The following GALNT18 variants were observed in gnomAD, a reference collection of about 807,000 sequenced individuals.
GALNT18 encodes the protein GalNAc-transferase 18.
GALNT18 carries 44 observed loss-of-function variants against 69.5 expected under a neutral mutation model. The ratio of observed to expected loss-of-function variants is 0.63; its 90% CI spans 0.50 to 0.81. The LOEUF (loss-of-function observed/expected upper bound fraction) is 0.81. Ranked by LOEUF, GALNT18 falls within the 40% of genes least tolerant of loss-of-function variation. GALNT18 has a pLI of 0.00. For missense variants in GALNT18, 715 were observed against 810.0 expected (o/e 0.88, Z 1.42); for synonymous variants, 364 against 318.2 (o/e 1.14, Z -1.53).
chr11:11,299,192 T>G (rs1481914675), intron 9 of GALNT18, among the ~76,000 whole-genome samples: 1 of 152,236 alleles, frequency 6.6e-6, no homozygotes, highest in African/African-American at 2.4e-5. Flanking sequence ...TCGCTCAGTC[T>G]GGGGTGCAGT....
At chr11:11,585,604 C>T (rs1347121328) in intron 1 of GALNT18, among the ~76,000 whole-genome samples, 2 of 152,160 alleles carry the variant, frequency 1.3e-5, no homozygotes, top group Non-Finnish European at 1.5e-5. Context: ...GATCCGCCCA[C>T]CTTGGCCTCC....
At position 11,339,785 on chromosome 11, in the gene GALNT18, T is replaced by C. The variant is rs1850172139; in HGVS notation, c.1278+1034A>G. Among the ~76,000 whole-genome samples, 1 of 152,180 alleles carries C rather than the reference T, an allele frequency of 6.6e-6. No individual in the cohort carries two copies. ...AAGTTCCCCTCTCCTACGGTGGTGGTGTGGCTGGGAGGTGGGCTAAAAGCT... is the reference window on the plus strand; with the variant it reads ...AAGTTCCCCTCTCCTACGGTGGTGGCGTGGCTGGGAGGTGGGCTAAAAGCT... On this transcript the variant is annotated intron_variant, in intron 7 of 10. Coordinates refer to ENST00000227756, the MANE Select transcript of GALNT18 (RefSeq NM_198516.3). The surrounding 1 kb of genome is among the most constrained non-coding windows in gnomAD (Gnocchi z 5.2).
At chr11:11,293,531 CTCTT>C (rs1849343255) in intron 9 of GALNT18, among the ~76,000 whole-genome samples, 1 of 89,188 alleles carries the variant, frequency 1.1e-5, no homozygotes, top group South Asian at 3.5e-4. Context: ...TTACAAACCC[CTCTT>C]TTTTTTTTTT....
chr11:11,550,992 C>T (rs997306688), intron 1 of GALNT18, among the ~76,000 whole-genome samples: 8 of 151,586 alleles, frequency 5.3e-5, no homozygotes, highest in African/African-American at 1.9e-4. Flanking sequence ...GGGAATTTCA[C>T]CTTTCCTGGG....
chr11:11,476,467 G>T (rs927860706), intron 1 of GALNT18: 1 of 152,122 alleles, frequency 6.6e-6, no homozygotes, highest in Non-Finnish European at 1.5e-5. Context: ...AAAATTAAAG[G>T]CAATAAATAA....
intron 1 of GALNT18, among the ~76,000 whole-genome samples, chr11:11,561,875 TC>T (rs1263226624): frequency 6.6e-6 from 1 of 152,126 alleles, no homozygotes; most frequent in African/African-American, 2.4e-5. Flanking sequence ...CCACACACCC[TC>T]CCATTTCACC....
intron 2 of GALNT18, among the ~76,000 whole-genome samples, chr11:11,438,891 C>A (rs1300756870): frequency 2.0e-5 from 3 of 152,212 alleles, no homozygotes; most frequent in Non-Finnish European, 4.4e-5. Context: ...ACTCCTGCCT[C>A]TGGGATGTAC....
chr11:11,473,283 A>T (rs1856314054), intron 1 of GALNT18, among the ~76,000 whole-genome samples: 1 of 152,218 alleles, frequency 6.6e-6, no homozygotes, highest in Non-Finnish European at 1.5e-5. Context: ...GGATGAGTGA[A>T]AATGTATTTA....
At chr11:11,274,302 T>C (rs935325971) in intron 10 of GALNT18, among the ~76,000 whole-genome samples, 114 of 152,254 alleles carry the variant, frequency 7.5e-4, no homozygotes, top group African/African-American at 2.6e-3. Flanking sequence ...TTTGTTTTTT[T>C]CTCAATACCC....
chr11:11,377,340 C>T lies in GALNT18; in HGVS notation c.819G>A (p.Lys273=). Residue 273 remains lysine (K), a synonymous_variant, in exon 5 of 11, where the codon AAG becomes AAA. Transcript: ENST00000227756. The surrounding 1 kb of genome is among the most constrained non-coding windows in gnomAD (Gnocchi z 4.6). ...PVLTRIKENR[K]RIISPSFDNI... ...TATCAAAGGATGGCGAGATGATCCG[C>T]TTCCGGTTCTCCTTGATGCGGGTGA... 1 of 1,613,956 alleles carries T rather than the reference C, an allele frequency of 6.2e-7. No homozygotes were observed. The highest frequency in any genetic ancestry group is 1.7e-5 in the Admixed American group (1 of 60,026).
rs974745492 is a variant in GALNT18 at position 11,619,064 on chromosome 11, G to A, written c.235+2295C>T. 3.3e-5 allele frequency among the ~76,000 whole-genome samples: 5 copies of A among 152,134 alleles called. No individual in the cohort carries two copies. Among genetic ancestry groups the A allele is most frequent in the African/African-American group, 1.2e-4 (5 of 41,414 alleles). ...TGTTTCCTAAATCCCAGCTCAGGAT[G>A]GCCCCAGCATGGCAAAGGGAACTGT... is the stretch of plus-strand genomic sequence containing the variant. On this transcript the variant is annotated intron_variant, in intron 1 of 10. Coordinates refer to ENST00000227756, the MANE Select transcript of GALNT18 (RefSeq NM_198516.3). The surrounding 1 kb of genome is among the most constrained non-coding windows in gnomAD (Gnocchi z 4.9).
At chr11:11,468,163 G>T (rs1057340086) in intron 1 of GALNT18, among the ~76,000 whole-genome samples, 5 of 152,220 alleles carry the variant, frequency 3.3e-5, no homozygotes, top group Non-Finnish European at 7.3e-5. Context: ...TCTTTCAGAT[G>T]TAGTAATATG....
chr11:11,326,700 C>G (rs1250670542), intron 9 of GALNT18, among the ~76,000 whole-genome samples: 4 of 152,198 alleles, frequency 2.6e-5, no homozygotes, highest in African/African-American at 9.6e-5. Context: ...TGAAGGGACT[C>G]TGACATTTCA....
chr11:11,282,825 A>G (rs944511296), intron 10 of GALNT18, among the ~76,000 whole-genome samples: 4 of 152,214 alleles, frequency 2.6e-5, no homozygotes, highest in African/African-American at 9.7e-5. Flanking sequence ...ACAGAAAAAG[A>G]TCTTTGCTTT....
intron 1 of GALNT18, among the ~76,000 whole-genome samples, chr11:11,481,124 G>A (rs1856518312): frequency 6.6e-6 from 1 of 152,176 alleles, no homozygotes; most frequent in Non-Finnish European, 1.5e-5. Context: ...ATGGGTCTGG[G>A]TGGCTGTGCA....
Position 11,616,767 on chromosome 11 carries a change from A to AT in GALNT18, c.235+4591_235+4592insA. Among the ~76,000 whole-genome samples the AT allele has an allele frequency of 6.6e-6, 1 of 152,334 alleles. No individual in the cohort carries two copies. The highest frequency in any genetic ancestry group is 3.4e-3 in the Middle Eastern group (1 of 294). ...AGTGGTCCACTGGGTTTGTTCTCAA[A>AT]CGTGTTTACACTATTTGTACTTGTC... On this transcript the variant is annotated intron_variant, in intron 1 of 10. Transcript: ENST00000227756. The surrounding 1 kb of genome is among the most constrained non-coding windows in gnomAD (Gnocchi z 4.4).
At chr11:11,292,962 G>T in intron 10 of GALNT18, 67 bp downstream of exon 10, 2 of 1,306,678 alleles carry the variant, frequency 1.5e-6, no homozygotes, top group South Asian at 2.6e-5. Context: ...CACCTCCCTG[G>T]CCCCTGAGGC....
rs2133957568 is a variant in GALNT18, at chr11:11,542,497, G to A, written c.235+78862C>T. Among the ~76,000 whole-genome samples, 1 of 152,332 alleles carries A rather than the reference G, an allele frequency of 6.6e-6. No homozygotes were observed. Among genetic ancestry groups the A allele is most frequent in the South Asian group, 2.1e-4 (1 of 4,824 alleles). On this transcript the variant is annotated intron_variant, in intron 1 of 10. Transcript: ENST00000227756. This position sits in a 1 kb window ranked among gnomAD's most constrained non-coding sequence, Gnocchi z 4.3. The stretch of plus-strand genomic sequence containing the variant: ...TGAATGAATGAAGAAATCATCACGT[G>A]CTTCTCACTTTTCACATGCAAAGAA...
At chr11:11,532,659 T>C (rs1402750227) in intron 1 of GALNT18, among the ~76,000 whole-genome samples, 1 of 152,208 alleles carries the variant, frequency 6.6e-6, no homozygotes, top group Admixed American at 6.5e-5. Flanking sequence ...CATAATGGAA[T>C]ATGTCTATGG....
Sources: allele counts gnomAD v4.1 joint callset (sites outside exome capture counted in the v4.1 genomes callset), GRCh38; gene constraint gnomAD v4.1.1; non-coding constraint Gnocchi (gnomAD v3.1); transcripts MANE v1.5; gene names NCBI Gene and HGNC (gene_info 2026-07-23, HGNC 2026-07-21).